PPP1R1C: variants seen among roughly 807,000 people sequenced by gnomAD.
The protein encoded by PPP1R1C is protein phosphatase 1 regulatory inhibitor subunit 1C.
Under a neutral mutation model 17.4 loss-of-function variants are expected in PPP1R1C, and 15 were observed. The ratio of observed to expected loss-of-function variants is 0.86; its 90% CI spans 0.58 to 1.33. The LOEUF is 1.33. Among genes scored for constraint, PPP1R1C ranks in the 40% most tolerant of loss-of-function variants. The pLI, the probability that PPP1R1C is intolerant of heterozygous loss-of-function variation, is 0.00. For missense variants in PPP1R1C, 143 were observed against 130.0 expected, an observed-to-expected ratio of 1.10 and a Z score of -0.48; for synonymous variants, 35 against 43.1, an observed-to-expected ratio of 0.81 and a Z score of 0.73.
intron 4 of PPP1R1C, among the ~76,000 whole-genome samples, chr2:182,088,882 G>C (rs893151816): frequency 1.3e-5 from 2 of 152,062 alleles, no homozygotes; most frequent in South Asian, 2.1e-4. Flanking sequence ...CCTGGTGCAC[G>C]CAACATTCCT....
intron 2 of PPP1R1C, among the ~76,000 whole-genome samples, chr2:182,019,840 CAT>C (rs980576281): frequency 1.3e-4 from 20 of 152,248 alleles, no homozygotes; most frequent in African/African-American, 4.6e-4. Flanking sequence ...ATCAGCAAAA[CAT>C]ATTAAATAGA....
chr2:182,089,367 T>TG (rs1688719123), intron 4 of PPP1R1C, among the ~76,000 whole-genome samples: 1 of 152,194 alleles, frequency 6.6e-6, no homozygotes, highest in African/African-American at 2.4e-5. Flanking sequence ...TTCTTACTTG[T>TG]GGTTTTAACT....
rs530910593 is a variant in PPP1R1C, at chr2:182,073,636, G to A, written c.241+9845G>A. On this transcript the variant is annotated intron_variant, in intron 4 of 4. Coordinates refer to ENST00000682840, the MANE Select transcript of PPP1R1C (RefSeq NM_001080545.3). ...ATGGACAATGACATTAGAACACAGA[G>A]AAGGAAATAGCTGGCACTTCCTGTC... is the stretch of plus-strand genomic sequence containing the variant. Among the ~76,000 whole-genome samples the A allele has an allele frequency of 3.3e-5, 5 of 152,322 alleles. No homozygotes were observed. In the East Asian group the frequency reaches 7.7e-4, roughly 23 times the overall value.
intron 2 of PPP1R1C, among the ~76,000 whole-genome samples, chr2:182,048,369 G>A (rs910599851): frequency 1.8e-4 from 27 of 152,302 alleles, no homozygotes; most frequent in African/African-American, 6.5e-4. Context: ...GCTCATTTTG[G>A]AAAGGGGAGA....
chr2:182,028,672 A>G (rs1686705396), intron 2 of PPP1R1C, among the ~76,000 whole-genome samples: 1 of 151,184 alleles, frequency 6.6e-6, no homozygotes, highest in African/African-American at 2.4e-5. Flanking sequence ...GTGGTGCTGA[A>G]AAAAGTGTAT....
At chr2:182,129,559 T>C (rs1689955459) in exon 6 of PPP1R1C, 1 of 151,968 alleles carries the variant, frequency 6.6e-6, no homozygotes, top group Non-Finnish European at 1.5e-5. Context: ...TAAAGATTTA[T>C]TCAATTATTT....
At chr2:182,059,659 G>T (rs553621485) in intron 2 of PPP1R1C, among the ~76,000 whole-genome samples, 2 of 151,990 alleles carry the variant, frequency 1.3e-5, no homozygotes. Flanking sequence ...ATATAAGACT[G>T]AATTTTTTTA....
chr2:182,030,434 C>G (rs2125170374), intron 2 of PPP1R1C, among the ~76,000 whole-genome samples: 1 of 151,224 alleles, frequency 6.6e-6, no homozygotes, highest in South Asian at 2.1e-4. Flanking sequence ...TTCTAACAGA[C>G]AGGACCCTCA....
intron 2 of PPP1R1C, among the ~76,000 whole-genome samples, chr2:182,038,170 T>C (rs1327464810): frequency 6.6e-6 from 1 of 152,078 alleles, no homozygotes; most frequent in Non-Finnish European, 1.5e-5. Flanking sequence ...CCCAAGTAGC[T>C]GGGACTACAG....
chr2:182,126,645 T>C (rs1293280235), intron 5 of PPP1R1C, among the ~76,000 whole-genome samples: 1 of 152,114 alleles, frequency 6.6e-6, no homozygotes, highest in Middle Eastern at 3.4e-3. Context: ...TCTGAAATAA[T>C]CAACATGAAT....
chr2:182,021,590 T>C (rs993612328), intron 2 of PPP1R1C, among the ~76,000 whole-genome samples: 8 of 152,120 alleles, frequency 5.3e-5, no homozygotes, highest in Non-Finnish European at 8.8e-5. Context: ...CCTCCCAAAG[T>C]GCTGAGATTA....
chr2:182,078,049 G>A (rs1448879607), intron 4 of PPP1R1C, among the ~76,000 whole-genome samples: 4 of 151,980 alleles, frequency 2.6e-5, no homozygotes, highest in Admixed American at 1.3e-4. Flanking sequence ...GGTGTGTGGC[G>A]CACACCTGTT....
chr2:181,970,386 T>TC (rs921416752), intron 1 of PPP1R1C, among the ~76,000 whole-genome samples: 3 of 152,210 alleles, frequency 2.0e-5, no homozygotes, highest in Admixed American at 1.3e-4. Flanking sequence ...CTGTGAATCT[T>TC]CCACCCTCAT....
chr2:182,043,555 C>T (rs1368335038), intron 2 of PPP1R1C, among the ~76,000 whole-genome samples: 2 of 150,848 alleles, frequency 1.3e-5, no homozygotes, highest in East Asian at 3.9e-4. Context: ...ACCTAAACAG[C>T]ACGCCATGTG....
chr2:182,010,784 G>A (rs995691457), intron 2 of PPP1R1C, among the ~76,000 whole-genome samples: 2 of 151,890 alleles, frequency 1.3e-5, no homozygotes, highest in East Asian at 3.9e-4. Flanking sequence ...TTTCCTGTGT[G>A]GAGGTATGTA....
chr2:182,116,854 G>A (rs1179825246), intron 4 of PPP1R1C, among the ~76,000 whole-genome samples: 1 of 152,124 alleles, frequency 6.6e-6, no homozygotes, highest in African/African-American at 2.4e-5. Context: ...TGTTGTAATA[G>A]AATTGAGGGA....
At chr2:182,024,785 G>A (rs1686541807) in intron 2 of PPP1R1C, among the ~76,000 whole-genome samples, 1 of 151,864 alleles carries the variant, frequency 6.6e-6, no homozygotes, top group South Asian at 2.1e-4. Flanking sequence ...AACCCAGGAG[G>A]CAGAGGTTGC....
intron 2 of PPP1R1C, among the ~76,000 whole-genome samples, chr2:182,042,177 A>G (rs1485999564): frequency 6.6e-6 from 1 of 151,986 alleles, no homozygotes; most frequent in Non-Finnish European, 1.5e-5. Context: ...TCCTTTTTTT[A>G]CTCTACTTAT....
chr2:182,082,701 G>T (rs748875015), intron 4 of PPP1R1C, among the ~76,000 whole-genome samples: 3 of 152,066 alleles, frequency 2.0e-5, no homozygotes, highest in Non-Finnish European at 2.9e-5. Flanking sequence ...TTTAACAAAA[G>T]CACTGTTAAA....
Sources: allele counts gnomAD v4.1 joint callset (sites outside exome capture counted in the v4.1 genomes callset), GRCh38; gene constraint gnomAD v4.1.1; transcripts MANE v1.5; gene names NCBI Gene and HGNC (gene_info 2026-07-23, HGNC 2026-07-21).